Variants in P2RX7 observed in about 807,000 individuals in gnomAD.
P2RX7 encodes the protein P2X purinoceptor 7.
In P2RX7, 62 loss-of-function variants were observed where a neutral mutation model predicts 71.6. That is an observed-to-expected ratio of 0.87 (90% CI 0.71 to 1.07). The LOEUF is 1.07. Among genes scored for constraint, P2RX7 ranks in the 50% least tolerant of loss-of-function variants. P2RX7 has a pLI of 0.00. For missense variants in P2RX7, 686 were observed against 748.5 expected (o/e 0.92, Z 0.97); for synonymous variants, 299 against 283.3 (o/e 1.06, Z -0.56).
chr12:121,155,822 ATGAAAAGG>A (rs943547820), intron 2 of P2RX7, among the ~76,000 whole-genome samples: 18 of 152,226 alleles, frequency 1.2e-4, no homozygotes, highest in African/African-American at 4.3e-4. Context: ...AAACAAAAAC[ATGAAAAGG>A]CTGCTTTTGA....
rs139110109 is a variant in P2RX7, at chr12:121,166,131, C to G, written c.688C>G (p.Arg230Gly). Residue 230 changes from arginine (R) to glycine (G), a missense_variant, in exon 7 of 13, where the codon CGA (arginine) becomes GGA (glycine). Coordinates refer to ENST00000328963, the MANE Select transcript of P2RX7 (RefSeq NM_002562.6). ...KTQNPQCPIF[R>G]LGDIFRETGD... ...TCAGAATCCACAGTGTCCCATTTTCCGACTAGGAGACATCTTCCGAGAAAC... is the reference window on the plus strand; with the variant it reads ...TCAGAATCCACAGTGTCCCATTTTCGGACTAGGAGACATCTTCCGAGAAAC... 6 of 1,613,866 alleles carry G rather than the reference C, an allele frequency of 3.7e-6. No individual in the cohort carries two copies. In the East Asian group the frequency reaches 6.7e-5, roughly 18 times the overall value.
At position 121,177,465 on chromosome 12, in the gene P2RX7, C is replaced by T. The variant is rs1249452253; in HGVS notation, c.1188+19C>T. 6.2e-7 allele frequency: 1 copy of T among 1,610,732 alleles called. No individual in the cohort carries two copies. The highest frequency in any genetic ancestry group is 2.2e-5 in the East Asian group (1 of 44,882). ...AAAGCCGGTGAGGCCGCTGTGTTCA[C>T]AGGACACCAAGACATGGAGAGATTC... On this transcript the variant is annotated intron_variant, in intron 11 of 12. Coordinates refer to ENST00000328963, the MANE Select transcript of P2RX7 (RefSeq NM_002562.6).
chr12:121,165,211 C>T, intron 5 of P2RX7, 146 bp from the exon 6 acceptor site: 3 of 619,896 alleles, frequency 4.8e-6, no homozygotes, highest in East Asian at 2.7e-5. Context: ...TTTCAGAATG[C>T]TTTGCCCACT....
At chr12:121,159,133 T>G (rs1488692149) in intron 3 of P2RX7, among the ~76,000 whole-genome samples, 1 of 152,194 alleles carries the variant, frequency 6.6e-6, no homozygotes, top group African/African-American at 2.4e-5. Context: ...CAAGACAATT[T>G]GTTGGCTGGG....
At position 121,177,136 on chromosome 12, in the gene P2RX7, T is replaced by A; in HGVS notation, c.973-11T>A. 6.2e-7 allele frequency: 1 copy of A among 1,613,334 alleles called. No homozygotes were observed. The highest frequency in any genetic ancestry group is 8.5e-7 in the Non-Finnish European group (1 of 1,179,306). ...ATTTCACCTGAGTAAACTCTCCCACTCTGTTTTTAGGGAGGAAAATTTGAC... is the reference window on the plus strand; with the variant it reads ...ATTTCACCTGAGTAAACTCTCCCACACTGTTTTTAGGGAGGAAAATTTGAC... On this transcript the variant is annotated splice_polypyrimidine_tract_variant and intron_variant, in intron 9 of 12. Coordinates refer to ENST00000328963, the MANE Select transcript of P2RX7 (RefSeq NM_002562.6).
intron 9 of P2RX7, among the ~76,000 whole-genome samples, chr12:121,175,895 AAAC>A (rs538369538): frequency 3.8e-4 from 58 of 152,260 alleles, no homozygotes; most frequent in African/African-American, 1.3e-3. Flanking sequence ...CCAGGTGTTC[AAAC>A]AACAACATCA....
chr12:121,162,587 G>C, intron 5 of P2RX7, 67 bp downstream of exon 5: 1 of 1,572,226 alleles, frequency 6.4e-7, no homozygotes, highest in Admixed American at 1.8e-5. Context: ...TGCCGAGGCT[G>C]CTTGGGCCTT....
At chr12:121,177,780 A>G (rs1883411402) in intron 11 of P2RX7, among the ~76,000 whole-genome samples, 2 of 151,946 alleles carry the variant, frequency 1.3e-5, no homozygotes, top group African/African-American at 2.4e-5. Context: ...GTGCAGAGGC[A>G]TGATCTCGGC....
chr12:121,182,954 G>A (rs969791770), intron 12 of P2RX7, among the ~76,000 whole-genome samples: 1 of 152,092 alleles, frequency 6.6e-6, no homozygotes, highest in African/African-American at 2.4e-5. Context: ...GAGGCAGGCG[G>A]ATCACAAGAT....
intron 11 of P2RX7, among the ~76,000 whole-genome samples, chr12:121,179,895 A>T (rs1883827297): frequency 6.6e-6 from 1 of 152,080 alleles, no homozygotes; most frequent in African/African-American, 2.4e-5. Flanking sequence ...CACTCCTGTA[A>T]TCCCAGCACT....
intron 4 of P2RX7, 137 bp from the exon 5 acceptor site, chr12:121,162,287 G>A: frequency 6.9e-7 from 1 of 1,449,534 alleles, no homozygotes; most frequent in East Asian, 2.5e-5. Flanking sequence ...CTTGATGGAA[G>A]CTGAAGCTGC....
In P2RX7 at chr12:121,154,982, TCGTCGCTGGTCAC is replaced by T. The variant is rs1165029250; in HGVS notation, c.294+36_294+48del. 1 of 1,611,732 alleles carries T rather than the reference TCGTCGCTGGTCAC, an allele frequency of 6.2e-7. No homozygotes were observed. Among genetic ancestry groups the T allele is most frequent in the Non-Finnish European group, 8.5e-7 (1 of 1,178,556 alleles). On this transcript the variant is annotated intron_variant, in intron 2 of 12. Transcript: ENST00000328963. The surrounding 1 kb of genome is among the most constrained non-coding windows in gnomAD (Gnocchi z 4.2). ...AGCACCTCGTAGCATTCTCCCAGGC[TCGTCGCTGGTCAC>T]CGTCGCCAGGGCCTAGCTCCCTTCC... is the stretch of plus-strand genomic sequence containing the variant.
At chr12:121,133,343 G>A (rs950658106) in intron 1 of P2RX7, among the ~76,000 whole-genome samples, 1 of 152,250 alleles carries the variant, frequency 6.6e-6, no homozygotes, top group Non-Finnish European at 1.5e-5. Context: ...GCCAGGGCGC[G>A]CAGGGCAGGG....
At position 121,175,393 on chromosome 12, in the gene P2RX7, C is replaced by A. The variant is rs200947358; in HGVS notation, c.887C>A (p.Ala296Asp). The A allele has an allele frequency of 3.7e-6, 6 of 1,601,232 alleles. No individual in the cohort carries two copies. Among genetic ancestry groups the A allele is most frequent in the Non-Finnish European group, 5.1e-6 (6 of 1,168,766 alleles). Residue 296 changes from alanine to aspartate, a missense_variant, in exon 9 of 13, where the codon GCC becomes GAC. Coordinates refer to ENST00000328963, the MANE Select transcript of P2RX7 (RefSeq NM_002562.6). ...AGATCCTTTTCTTCCTACAGATACG[C>A]CAAGTACTACAAGGAAAACAATGTT... ...SLYPGYNFRY[A>D]KYYKENNVEK...
intron 1 of P2RX7, among the ~76,000 whole-genome samples, chr12:121,144,676 A>G (rs1045382899): frequency 1.1e-4 from 17 of 152,184 alleles, no homozygotes; most frequent in African/African-American, 4.1e-4. Flanking sequence ...GGAGGAAGGG[A>G]GGGCATTTAG....
intron 12 of P2RX7, among the ~76,000 whole-genome samples, chr12:121,180,976 GA>G (rs1255375620): frequency 4.0e-5 from 6 of 149,416 alleles, no homozygotes; most frequent in Non-Finnish European, 3.0e-5. Context: ...AAAAAAAAAA[GA>G]AAAAAATGTA....
intron 11 of P2RX7, 52 bp downstream of exon 11, chr12:121,177,498 T>C (rs759180215): frequency 6.3e-7 from 1 of 1,578,652 alleles, no homozygotes; most frequent in South Asian, 1.1e-5. Context: ...TTCCATGAAA[T>C]CACTCAGAAA....
At chr12:121,141,898 C>T (rs1258181352) in intron 1 of P2RX7, among the ~76,000 whole-genome samples, 2 of 152,140 alleles carry the variant, frequency 1.3e-5, no homozygotes, top group Admixed American at 6.5e-5. Flanking sequence ...TCCCAGTTTC[C>T]CTTGCAGCTA....
chr12:121,163,805 G>T (rs750331884), intron 5 of P2RX7, among the ~76,000 whole-genome samples: 6 of 152,102 alleles, frequency 3.9e-5, no homozygotes, highest in East Asian at 3.9e-4. Flanking sequence ...ATGTCTAGTG[G>T]CTACCATATT....
Sources: gnomAD v4.1 joint callset for allele counts (sites outside exome capture counted in the v4.1 genomes callset) on GRCh38, gnomAD v4.1.1 for gene constraint, Gnocchi (gnomAD v3.1) non-coding constraint, MANE v1.5 for transcripts, NCBI Gene and HGNC (gene_info 2026-07-23, HGNC 2026-07-21) for gene names.